RIGI: variants seen among roughly 807,000 people sequenced by gnomAD.
The protein encoded by RIGI is RNA sensor RIG-I.
At chr9:32,524,600 T>TG in the RIGI span, among the ~76,000 whole-genome samples, 1 of 86,750 alleles carries the variant, frequency 1.2e-5, no homozygotes, top group East Asian at 2.7e-4. Flanking sequence ...TTTTCGGTTT[T>TG]TTTTTTTTTT....
the RIGI span, among the ~76,000 whole-genome samples, chr9:32,460,757 C>CA: frequency 3.4e-5 from 5 of 147,320 alleles, no homozygotes; most frequent in South Asian, 1.1e-3. Context: ...ATCTGAACAA[C>CA]AAAAAAATAC....
the RIGI span, among the ~76,000 whole-genome samples, chr9:32,516,566 C>T: frequency 1.3e-5 from 2 of 152,210 alleles, no homozygotes; most frequent in African/African-American, 4.8e-5. Flanking sequence ...CTAGGAAGAA[C>T]AGCCTTTGAA....
the RIGI span, among the ~76,000 whole-genome samples, chr9:32,461,304 A>T: frequency 2.0e-5 from 3 of 152,228 alleles, no homozygotes; most frequent in African/African-American, 7.2e-5. Context: ...TGGCTAAAAG[A>T]AGTTTTCTAA....
the RIGI span, among the ~76,000 whole-genome samples, chr9:32,486,801 A>G: frequency 6.6e-6 from 1 of 152,156 alleles, no homozygotes; most frequent in East Asian, 1.9e-4. Flanking sequence ...CATATGTGAC[A>G]CTGAAAAGTT....
the RIGI span, among the ~76,000 whole-genome samples, chr9:32,476,278 G>A: frequency 1.3e-5 from 2 of 152,154 alleles, no homozygotes; most frequent in African/African-American, 4.8e-5. Context: ...GGAGGATTAT[G>A]TGAGGCCAGG....
chr9:32,468,776 T>C, the RIGI span, among the ~76,000 whole-genome samples: 2 of 152,122 alleles, frequency 1.3e-5, no homozygotes, highest in African/African-American at 2.4e-5. Context: ...ACCCTAATAG[T>C]GTGCACTGTT....
chr9:32,525,971 C>A, the RIGI span: 618,431 of 1,025,336 alleles, frequency 0.6, 188,517 homozygotes, highest in Middle Eastern at 0.68. Flanking sequence ...CTGGCAGGCT[C>A]TCTGCATTGA....
chr9:32,477,184 C>T, the RIGI span: 3 of 1,597,676 alleles, frequency 1.9e-6, no homozygotes, highest in African/African-American at 4.0e-5. Context: ...AAATTTAGAA[C>T]ACACTGTGAC....
At chr9:32,507,796 C>T in the RIGI span, among the ~76,000 whole-genome samples, 1 of 152,118 alleles carries the variant, frequency 6.6e-6, no homozygotes, top group Non-Finnish European at 1.5e-5. Context: ...CAGGCATGAG[C>T]TGCCAAGTCT....
At chr9:32,522,101 T>C in the RIGI span, among the ~76,000 whole-genome samples, 1 of 152,238 alleles carries the variant, frequency 6.6e-6, no homozygotes. Flanking sequence ...AAGGCTGACA[T>C]GTTTATAAAG....
the RIGI span, among the ~76,000 whole-genome samples, chr9:32,484,412 A>G: frequency 6.6e-6 from 1 of 152,178 alleles, no homozygotes; most frequent in South Asian, 2.1e-4. Context: ...CACATTTAAC[A>G]TCCCTAAAAC....
the RIGI span, among the ~76,000 whole-genome samples, chr9:32,524,947 G>GT: frequency 0.42 from 64,080 of 151,886 alleles, 13,963 homozygotes; most frequent in South Asian, 0.53. Flanking sequence ...ACAGCAAACT[G>GT]TTTATCATGA....
chr9:32,476,065 A>C, the RIGI span, among the ~76,000 whole-genome samples: 2 of 152,126 alleles, frequency 1.3e-5, no homozygotes, highest in African/African-American at 4.8e-5. Context: ...CAAGCAGAAG[A>C]AAGATGTTCA....
At chr9:32,486,968 T>A in the RIGI span, among the ~76,000 whole-genome samples, 1 of 152,234 alleles carries the variant, frequency 6.6e-6, no homozygotes, top group Non-Finnish European at 1.5e-5. Context: ...TCTGTATCCC[T>A]CTCTTCCTTT....
At chr9:32,464,144 C>T in the RIGI span, among the ~76,000 whole-genome samples, 1 of 151,810 alleles carries the variant, frequency 6.6e-6, no homozygotes, top group African/African-American at 2.4e-5. Flanking sequence ...TCTGCCAGTA[C>T]TCTGCTCATC....
chr9:32,498,155 C>T, the RIGI span, among the ~76,000 whole-genome samples: 1 of 152,190 alleles, frequency 6.6e-6, no homozygotes, highest in African/African-American at 2.4e-5. Flanking sequence ...CCACCAACCA[C>T]AGAGTGGGTC....
chr9:32,498,558 A>AC, the RIGI span, among the ~76,000 whole-genome samples: 1 of 152,206 alleles, frequency 6.6e-6, no homozygotes, highest in South Asian at 2.1e-4. Context: ...GATAGAAAAC[A>AC]CCATAGCTCT....
the RIGI span, among the ~76,000 whole-genome samples, chr9:32,467,438 A>T: frequency 6.6e-6 from 1 of 152,242 alleles, no homozygotes; most frequent in Non-Finnish European, 1.5e-5. Context: ...CTTCTTGAAT[A>T]CAGGGGGCCC....
the RIGI span, among the ~76,000 whole-genome samples, chr9:32,506,608 T>C: frequency 6.6e-6 from 1 of 152,234 alleles, no homozygotes; most frequent in Admixed American, 6.5e-5. Flanking sequence ...TTATATAATC[T>C]GGTTTGTTTT....
Sources: allele counts gnomAD v4.1 joint callset (sites outside exome capture counted in the v4.1 genomes callset), GRCh38; gene constraint gnomAD v4.1.1; transcripts MANE v1.5; gene names NCBI Gene and HGNC (gene_info 2026-07-23, HGNC 2026-07-21).